The following NDST3 variants were observed in gnomAD, a reference collection of about 807,000 sequenced individuals.
NDST3 encodes bifunctional heparan sulfate N-deacetylase/N-sulfotransferase 3.
In NDST3, 58 loss-of-function variants were observed where a neutral mutation model predicts 96.1. The ratio of observed to expected loss-of-function variants is 0.60; its 90% CI spans 0.49 to 0.75. NDST3 has a LOEUF of 0.75. Ranked by LOEUF, NDST3 falls within the 30% of genes least tolerant of loss-of-function variation. NDST3 has a pLI of 0.00. For synonymous variants in NDST3, 333 were observed against 359.7 expected, an observed-to-expected ratio of 0.93 and a Z score of 0.84; for missense variants, 788 against 1,034.2, an observed-to-expected ratio of 0.76 and a Z score of 3.27.
intron 6 of NDST3, among the ~76,000 whole-genome samples, chr4:118,220,370 C>G (rs996815917): frequency 6.6e-6 from 1 of 151,864 alleles, no homozygotes; most frequent in African/African-American, 2.4e-5. Context: ...CCAAACACCG[C>G]ATGTTCTCAC....
intron 6 of NDST3, among the ~76,000 whole-genome samples, chr4:118,171,298 G>A (rs1172868839): frequency 1.3e-5 from 2 of 152,094 alleles, no homozygotes; most frequent in Non-Finnish European, 2.9e-5. Context: ...ATCCTGGCAA[G>A]GAAATTTTTT....
intron 2 of NDST3, among the ~76,000 whole-genome samples, chr4:118,103,746 C>T (rs1729947979): frequency 1.3e-5 from 2 of 152,118 alleles, no homozygotes; most frequent in African/African-American, 4.8e-5. Context: ...GATCCACCAA[C>T]AGGCCTGTCT....
chr4:118,210,244 A>G (rs1186339522), intron 6 of NDST3, among the ~76,000 whole-genome samples: 1 of 152,084 alleles, frequency 6.6e-6, no homozygotes, highest in Non-Finnish European at 1.5e-5. Context: ...GGTCACTGAG[A>G]CCATCAGAGA....
intron 6 of NDST3, among the ~76,000 whole-genome samples, chr4:118,216,800 A>G (rs1318529461): frequency 6.6e-6 from 1 of 152,110 alleles, no homozygotes; most frequent in African/African-American, 2.4e-5. Context: ...CACAATTTTA[A>G]TGGTGCTAAA....
intron 6 of NDST3, among the ~76,000 whole-genome samples, chr4:118,159,010 C>T (rs1178882338): frequency 6.6e-6 from 1 of 152,200 alleles, no homozygotes. Flanking sequence ...TTGCCATAGT[C>T]CCTTTCACTG....
At chr4:118,074,909 TTTA>T (rs1727384099) in intron 2 of NDST3, among the ~76,000 whole-genome samples, 1 of 152,138 alleles carries the variant, frequency 6.6e-6, no homozygotes, top group African/African-American at 2.4e-5. Flanking sequence ...GACTTCTTTT[TTTA>T]TTATTATACT....
chr4:118,043,895 A>T (rs13118131), intron 1 of NDST3, among the ~76,000 whole-genome samples: 8 of 152,092 alleles, frequency 5.3e-5, no homozygotes, highest in Admixed American at 2.0e-4. Context: ...TGTTAGACCA[A>T]TTCCTCAGGG....
intron 2 of NDST3, among the ~76,000 whole-genome samples, chr4:118,083,122 C>G (rs1010926236): frequency 6.6e-6 from 1 of 152,026 alleles, no homozygotes; most frequent in Non-Finnish European, 1.5e-5. Context: ...ATATCAAGTA[C>G]CATGAATTAT....
intron 8 of NDST3, among the ~76,000 whole-genome samples, chr4:118,230,330 T>C (rs1740187803): frequency 6.6e-6 from 1 of 152,122 alleles, no homozygotes. Flanking sequence ...TCCCAGCACT[T>C]TGGGAGGCCG....
intron 4 of NDST3, among the ~76,000 whole-genome samples, chr4:118,130,032 A>G (rs34826732): frequency 0.54 from 82,366 of 151,790 alleles, 25,093 homozygotes; most frequent in East Asian, 0.74. Flanking sequence ...TTCAATTGGC[A>G]TGGAATATCT....
chr4:118,252,052 A>T (rs72919237), intron 12 of NDST3, among the ~76,000 whole-genome samples: 7,582 of 152,292 alleles, frequency 0.05, 347 homozygotes, highest in African/African-American at 0.12. Flanking sequence ...AATTTTAAGC[A>T]AAGTGTTGGA....
chr4:118,220,070 AAG>A (rs1739435875), intron 6 of NDST3, among the ~76,000 whole-genome samples: 1 of 152,084 alleles, frequency 6.6e-6, no homozygotes, highest in African/African-American at 2.4e-5. Context: ...CAATTCCTCA[AAG>A]ATCTAGAACC....
chr4:118,181,702 T>C (rs1736620143), intron 6 of NDST3, among the ~76,000 whole-genome samples: 1 of 152,170 alleles, frequency 6.6e-6, no homozygotes, highest in Admixed American at 6.6e-5. Flanking sequence ...CTTGGCTCTA[T>C]TTTCTCCCAT....
chr4:118,053,894 G>C lies in NDST3; in HGVS notation c.-17G>C. ...TATGGTGCTTCTGTTGGCATAGTTG[G>C]GGAAAGCACCTACAACATGAGTTTT... On this transcript the variant is annotated 5_prime_UTR_variant, in exon 2 of 14. Coordinates refer to ENST00000296499, the MANE Select transcript of NDST3 (RefSeq NM_004784.3). 3.2e-6 allele frequency: 5 copies of C among 1,562,850 alleles called. No homozygotes were observed. Among genetic ancestry groups the C allele is most frequent in the Non-Finnish European group, 4.3e-6 (5 of 1,155,644 alleles).
At chr4:118,121,583 CT>C (rs1351892195) in intron 4 of NDST3, among the ~76,000 whole-genome samples, 1 of 152,118 alleles carries the variant, frequency 6.6e-6, no homozygotes, top group Non-Finnish European at 1.5e-5. Context: ...TAAAACCCAG[CT>C]TTAACTAAAC....
rs111760708 is a variant in NDST3, at chr4:118,140,785, C to T, written c.1410+2546C>T. 6.9e-4 allele frequency among the ~76,000 whole-genome samples: 105 copies of T among 152,258 alleles called. 1 individual carries two copies. Among genetic ancestry groups the T allele is most frequent in the African/African-American group, 2.3e-3 (95 of 41,538 alleles). ...TCATCAGGTCTTGTGAGAACTCACT[C>T]GCTATCACAAGAACAGCATGTGGGA... On this transcript the variant is annotated intron_variant, in intron 5 of 13. Transcript: ENST00000296499.
At chr4:118,164,423 C>T (rs1735407595) in intron 6 of NDST3, among the ~76,000 whole-genome samples, 1 of 152,070 alleles carries the variant, frequency 6.6e-6, no homozygotes, top group South Asian at 2.1e-4. Flanking sequence ...ATGAAATAAT[C>T]TGTACATCTA....
intron 12 of NDST3, among the ~76,000 whole-genome samples, chr4:118,252,752 A>C (rs1264107092): frequency 6.6e-6 from 1 of 152,180 alleles, no homozygotes; most frequent in East Asian, 1.9e-4. Context: ...TTAGCTGCGC[A>C]TGATGGCACA....
intron 3 of NDST3, among the ~76,000 whole-genome samples, chr4:118,107,725 G>A (rs1251882876): frequency 1.6e-5 from 1 of 64,468 alleles, no homozygotes; most frequent in Non-Finnish European, 5.2e-5. Context: ...TGCCATGCAA[G>A]ATGTCTTAAA....
Sources: gnomAD v4.1 joint callset for allele counts (sites outside exome capture counted in the v4.1 genomes callset) on GRCh38, gnomAD v4.1.1 for gene constraint, MANE v1.5 for transcripts, NCBI Gene and HGNC (gene_info 2026-07-23, HGNC 2026-07-21) for gene names.